The following UTP6 variants were observed in gnomAD, a reference collection of about 807,000 sequenced individuals.
UTP6 encodes the protein U3 small nucleolar RNA-associated protein 6 homolog.
UTP6 carries 60 observed loss-of-function variants against 96.5 expected under a neutral mutation model. The observed-to-expected ratio is 0.62, with a 90% CI of 0.51 to 0.77. The LOEUF is 0.77. Among genes scored for constraint, UTP6 ranks in the 30% least tolerant of loss-of-function variants. The pLI, the probability that UTP6 is intolerant of heterozygous loss-of-function variation, is 0.00. For missense variants in UTP6, 637 were observed against 706.5 expected (o/e 0.90, Z 1.12); for synonymous variants, 215 against 240.1 (o/e 0.90, Z 0.96).
At chr17:31,892,693 G>T in intron 5 of UTP6, 54 bp downstream of exon 5, 1 of 1,607,426 alleles carries the variant, frequency 6.2e-7, no homozygotes, top group Non-Finnish European at 8.5e-7. Flanking sequence ...AGCTTAAAGG[G>T]CAGATTAACA....
chr17:31,883,198 T>C (rs962854630), intron 10 of UTP6, among the ~76,000 whole-genome samples: 1 of 151,576 alleles, frequency 6.6e-6, no homozygotes, highest in African/African-American at 2.4e-5. Context: ...AATAAAAATA[T>C]AATAAAGAAA....
chr17:31,892,613 T>G (rs3744613), intron 5 of UTP6, 134 bp downstream of exon 5: 1 of 985,430 alleles, frequency 1.0e-6, no homozygotes, highest in Non-Finnish European at 1.5e-6. Context: ...CAATGTTATA[T>G]TGATGTTCCG....
At chr17:31,867,303 T>A (rs1290882910) in intron 17 of UTP6, among the ~76,000 whole-genome samples, 1 of 150,966 alleles carries the variant, frequency 6.6e-6, no homozygotes, top group Non-Finnish European at 1.5e-5. Context: ...AAGTCAGGAG[T>A]TTGAGACCAG....
Position 31,860,974 on chromosome 17 carries a change from T to C in UTP6, c.*2385A>G, listed in dbSNP as rs759728294. ...GCAGAGAGAAACATAACTGCCCAAA[T>C]AGTGTTGGCAAAATTAACTGCTTGG... is the stretch of plus-strand genomic sequence containing the variant. On this transcript the variant is annotated 3_prime_UTR_variant, in exon 19 of 19. Transcript: ENST00000261708. The C allele has an allele frequency of 5.9e-5, 9 of 152,026 alleles. No individual in the cohort carries two copies. The highest frequency in any genetic ancestry group is 3.3e-4 in the Admixed American group (5 of 15,246). 9.4% of individuals were successfully genotyped at this position (152,026 alleles called of 1,614,324 possible). A position where few individuals can be genotyped will look rare whatever the true frequency, so the allele number is the denominator to read the frequency against.
intron 2 of UTP6, among the ~76,000 whole-genome samples, chr17:31,896,073 T>G (rs1904622268): frequency 6.6e-6 from 1 of 151,274 alleles, no homozygotes. Flanking sequence ...TACACCTGGT[T>G]TTTTTTTATT....
chr17:31,896,586 C>G (rs1904661225), intron 2 of UTP6, among the ~76,000 whole-genome samples: 1 of 151,912 alleles, frequency 6.6e-6, no homozygotes, highest in Admixed American at 6.6e-5. Context: ...AATATTTTCT[C>G]ACATTTTGTG....
Position 31,878,689 on chromosome 17 carries a change from G to A in UTP6, c.1047+13C>T, listed in dbSNP as rs1910642069. The A allele has an allele frequency of 6.2e-7, 1 of 1,612,562 alleles. No homozygotes were observed. On this transcript the variant is annotated intron_variant, in intron 12 of 18. Transcript: ENST00000261708. The stretch of plus-strand genomic sequence containing the variant: ...CTATCTAGTCAACCACTGTAACCAT[G>A]TAACAACCTCACCTTCCCTCTAAGG...
intron 11 of UTP6, among the ~76,000 whole-genome samples, chr17:31,879,375 G>A (rs897246811): frequency 6.6e-6 from 1 of 151,956 alleles, no homozygotes; most frequent in Non-Finnish European, 1.5e-5. Context: ...GGGCAACAGC[G>A]TGAGACTCTG....
intron 16 of UTP6, among the ~76,000 whole-genome samples, chr17:31,870,150 T>G (rs1003989300): frequency 6.6e-6 from 1 of 152,192 alleles, no homozygotes; most frequent in Admixed American, 6.6e-5. Context: ...AGTACATGTC[T>G]TTTTGGTAGA....
chr17:31,892,911 A>G, intron 4 of UTP6, 117 bp from the exon 5 acceptor site: 4 of 1,170,924 alleles, frequency 3.4e-6, no homozygotes, highest in Non-Finnish European at 4.9e-6. Context: ...GGTGGCTCAC[A>G]CCTGTAATCC....
intron 16 of UTP6, among the ~76,000 whole-genome samples, chr17:31,868,676 G>C (rs1909982872): frequency 6.6e-6 from 1 of 151,982 alleles, no homozygotes; most frequent in South Asian, 2.1e-4. Context: ...GAGTTTTCAA[G>C]TTCCCTCAAC....
In UTP6 at chr17:31,873,653, T is replaced by C. The variant is rs1421994026; in HGVS notation, c.1386+20A>G. 1 of 1,613,918 alleles carries C rather than the reference T, an allele frequency of 6.2e-7. No homozygotes were observed. Among genetic ancestry groups the C allele is most frequent in the Admixed American group, 1.7e-5 (1 of 59,898 alleles). ...TCTGCCATTCCCCACACCACAAGAC[T>C]TGGAACACGGAGCCTATACCTTAAA... On this transcript the variant is annotated intron_variant, in intron 15 of 18. Coordinates refer to ENST00000261708, the MANE Select transcript of UTP6 (RefSeq NM_018428.3).
intron 18 of UTP6, among the ~76,000 whole-genome samples, chr17:31,865,162 C>G (rs1029446267): frequency 6.6e-6 from 1 of 152,070 alleles, no homozygotes; most frequent in Non-Finnish European, 1.5e-5. Context: ...ATTACAGGTG[C>G]GCACCACCAT....
Position 31,863,231 on chromosome 17 carries a change from G to C in UTP6, c.*128C>G, listed in dbSNP as rs1909624969. 6 of 937,782 alleles carry C rather than the reference G, an allele frequency of 6.4e-6. No individual in the cohort carries two copies. In the South Asian group the frequency reaches 1.0e-4, roughly 16 times the overall value. The allele number at this position is 937,782 out of a possible 1,614,324, so 58.1% of individuals were successfully genotyped here. On this transcript the variant is annotated 3_prime_UTR_variant, in exon 19 of 19. Transcript: ENST00000261708. ...TTTAACAAGTTAACATAAAATTAAAGTGTGTCTCAAAACCAGACAGCCATC... is the reference window on the plus strand; with the variant it reads ...TTTAACAAGTTAACATAAAATTAAACTGTGTCTCAAAACCAGACAGCCATC...
intron 11 of UTP6, among the ~76,000 whole-genome samples, chr17:31,879,680 A>C (rs1048987048): frequency 1.3e-5 from 2 of 152,166 alleles, no homozygotes. Flanking sequence ...TCAAAAAAAA[A>C]CATAGATAAT....
At position 31,876,030 on chromosome 17, in the gene UTP6, G is replaced by GTTTTT. The variant is rs574950068; in HGVS notation, c.1126-622_1126-618dup. ...TTTAGACTGTAAGTTAGGTTTTTTT[G>GTTTTT]TTTTTCTTTTTCTTTTTTTTGGAGA... On this transcript the variant is annotated intron_variant, in intron 13 of 18. Coordinates refer to ENST00000261708, the MANE Select transcript of UTP6 (RefSeq NM_018428.3). Among the ~76,000 whole-genome samples, 53 of 151,642 alleles carry GTTTTT rather than the reference G, an allele frequency of 3.5e-4. No individual in the cohort carries two copies. The East Asian group carries it at 8.8e-3, about 25-fold the overall frequency.
intron 14 of UTP6, 160 bp from the exon 15 acceptor site, chr17:31,873,913 T>A: frequency 1.4e-6 from 1 of 703,416 alleles, no homozygotes; most frequent in Non-Finnish European, 2.2e-6. Context: ...AGGTTCCTCC[T>A]AAGATAATCA....
In UTP6 at chr17:31,893,855, A is replaced by T. The variant is rs560610009; in HGVS notation, c.312+790T>A. ...CTATGATAATTCAACCTTTCCCCCA[A>T]CTCCCACTCACAATGCTCCAAAAAA... On this transcript the variant is annotated intron_variant, in intron 4 of 18. Coordinates refer to ENST00000261708, the MANE Select transcript of UTP6 (RefSeq NM_018428.3). 4.0e-5 allele frequency among the ~76,000 whole-genome samples: 6 copies of T among 151,676 alleles called. No homozygotes were observed. The East Asian group carries it at 1.2e-3, about 29-fold the overall frequency.
intron 16 of UTP6, among the ~76,000 whole-genome samples, chr17:31,871,034 G>C (rs1313619820): frequency 6.9e-6 from 1 of 144,362 alleles, no homozygotes; most frequent in Non-Finnish European, 1.5e-5. Context: ...CTGTCGCCCA[G>C]GCTGGAATGC....
Sources: gnomAD v4.1 joint callset for allele counts (sites outside exome capture counted in the v4.1 genomes callset) on GRCh38, gnomAD v4.1.1 for gene constraint, MANE v1.5 for transcripts, NCBI Gene and HGNC (gene_info 2026-07-23, HGNC 2026-07-21) for gene names.